The following CCNE2 variants were observed in gnomAD, a reference collection of about 807,000 sequenced individuals.
CCNE2 encodes cyclin E2, also known as G1/S-specific cyclin-E2.
CCNE2 carries 18 observed loss-of-function variants against 56.8 expected under a neutral mutation model. That is an observed-to-expected ratio of 0.32 (90% CI 0.22 to 0.47). The LOEUF (loss-of-function observed/expected upper bound fraction) is 0.47. Ranked by LOEUF, CCNE2 falls within the 20% of genes least tolerant of loss-of-function variation. The pLI is 1.00. For missense variants in CCNE2, 371 were observed against 467.1 expected, an observed-to-expected ratio of 0.79 and a Z score of 1.90; for synonymous variants, 139 against 149.2, an observed-to-expected ratio of 0.93 and a Z score of 0.50.
At chr8:94,882,677 TGCCAA>T in intron 10 of CCNE2, 99 bp downstream of exon 10, 1 of 775,186 alleles carries the variant, frequency 1.3e-6, no homozygotes, top group Non-Finnish European at 2.2e-6. Context: ...ATTTTTTTTT[TGCCAA>T]AGTTTTAAAT....
intron 4 of CCNE2, 127 bp from the exon 5 acceptor site, chr8:94,893,096 T>C: frequency 1.5e-6 from 1 of 674,872 alleles, no homozygotes. Flanking sequence ...GATGGCAATA[T>C]AGCTAATTTG....
intron 9 of CCNE2, among the ~76,000 whole-genome samples, chr8:94,883,232 C>T (rs1195799453): frequency 7.9e-5 from 12 of 151,174 alleles, no homozygotes; most frequent in East Asian, 3.9e-4. Flanking sequence ...GCAGAGATCG[C>T]GCCACTGCAC....
chr8:94,889,291 T>C (rs923289276), intron 6 of CCNE2, among the ~76,000 whole-genome samples: 16 of 152,242 alleles, frequency 1.1e-4, no homozygotes, highest in Non-Finnish European at 2.2e-4. Flanking sequence ...GACTGAAGAA[T>C]ACACTAAGAT....
At chr8:94,894,328 GGT>G (rs758610827) in intron 1 of CCNE2, 81 bp from the exon 2 acceptor site, 439 of 1,404,392 alleles carry the variant, frequency 3.1e-4, no homozygotes, top group Middle Eastern at 1.7e-3. Context: ...CTGATTCGCA[GGT>G]GAAAGCTCAG....
chr8:94,883,794 TAGC>T (rs1816924182), intron 9 of CCNE2: 2 of 403,036 alleles, frequency 5.0e-6, no homozygotes, highest in Non-Finnish European at 5.3e-6. Context: ...GCTGAACTAG[TAGC>T]AGTGGAATGG....
rs1816820967 is a variant in CCNE2, at chr8:94,881,693, A to T, written c.1154T>A (p.Val385Glu). The change falls in exon 12 of 12, where the codon GTG becomes GAG. Residue 385 changes from valine to glutamate, a missense_variant. Transcript: ENST00000308108. ...TFRKGGQLSP[V>E]CNGGIMTPPK... Reference sequence around the variant, plus strand: ...TGGTGTCATAATGCCTCCATTGCACACTGGTGACAACTGTCCCCCTTTTCT... The same window carrying T: ...TGGTGTCATAATGCCTCCATTGCACTCTGGTGACAACTGTCCCCCTTTTCT... 5.0e-6 allele frequency: 8 copies of T among 1,613,882 alleles called. No individual in the cohort carries two copies. The highest frequency in any genetic ancestry group is 6.8e-6 in the Non-Finnish European group (8 of 1,179,868).
In CCNE2 at chr8:94,890,556, GA is replaced by G; in HGVS notation, c.318-7del. On this transcript the variant is annotated splice_region_variant and splice_polypyrimidine_tract_variant and intron_variant, in intron 5 of 11. Coordinates refer to ENST00000308108, the MANE Select transcript of CCNE2 (RefSeq NM_057749.3). ...CTTCTTTTGAACATCCCCAGCTATGGAAAGAGAGGAAAAAAACCATATATAT... is the reference window on the plus strand; with the variant it reads ...CTTCTTTTGAACATCCCCAGCTATGGAAGAGAGGAAAAAAACCATATATAT... The G allele has an allele frequency of 7.1e-7, 1 of 1,403,654 alleles. No homozygotes were observed. Among genetic ancestry groups the G allele is most frequent in the Non-Finnish European group, 9.6e-7 (1 of 1,040,638 alleles). 86.9% of individuals were successfully genotyped at this position (1,403,654 alleles called of 1,614,324 possible).
chr8:94,893,435 A>C (rs1423952865), intron 4 of CCNE2: 2 of 165,432 alleles, frequency 1.2e-5, no homozygotes, highest in Non-Finnish European at 2.6e-5. Context: ...TTTTCCCAAT[A>C]ATGCTGGTTT....
chr8:94,885,122 G>A lies in CCNE2; in HGVS notation c.776C>T (p.Ala259Val), dbSNP rs546361427. Residue 259 changes from alanine (A) to valine (V), a missense_variant, in exon 9 of 12, where the codon GCT becomes GTT. Ala to Val is a moderately conservative substitution (Grantham distance 64). Transcript: ENST00000308108. ...LFLQVDALKD[A>V]PKVLLPQYSQ... Reference sequence around the variant, plus strand: ...ATACTGAGGTAGAAGAACTTTAGGAGCATCTTTAAGAGCATCAACTTGGAG... The same window carrying A: ...ATACTGAGGTAGAAGAACTTTAGGAACATCTTTAAGAGCATCAACTTGGAG... 3 of 1,612,780 alleles carry A rather than the reference G, an allele frequency of 1.9e-6. 1 individual carries two copies. The highest frequency in any genetic ancestry group is 2.2e-5 in the East Asian group (1 of 44,768).
chr8:94,890,592 T>TATATATATA (rs386413388), intron 5 of CCNE2, 42 bp from the exon 6 acceptor site: 3 of 62,600 alleles, frequency 4.8e-5, no homozygotes, highest in African/African-American at 4.7e-4. Flanking sequence ...TATATATATA[T>TATATATATA]TTTTTTTTTT....
chr8:94,881,509 G>A lies in CCNE2; in HGVS notation c.*123C>T. ...TAAGTTTTAAAATCAGAATGGCAGTGTAACTTGTGAATTGGCTAGGGCAAT... is the reference window on the plus strand; with the variant it reads ...TAAGTTTTAAAATCAGAATGGCAGTATAACTTGTGAATTGGCTAGGGCAAT... On this transcript the variant is annotated 3_prime_UTR_variant, in exon 12 of 12. Transcript: ENST00000308108. The A allele has an allele frequency of 1.2e-6, 1 of 854,562 alleles. No homozygotes were observed. The highest frequency in any genetic ancestry group is 1.9e-5 in the South Asian group (1 of 51,762). 52.9% of individuals were successfully genotyped at this position (854,562 alleles called of 1,614,324 possible). A position where few individuals can be genotyped will look rare whatever the true frequency, so the allele number is the denominator to read the frequency against.
At chr8:94,890,021 C>T (rs1025858226) in intron 6 of CCNE2, among the ~76,000 whole-genome samples, 1 of 152,182 alleles carries the variant, frequency 6.6e-6, no homozygotes, top group African/African-American at 2.4e-5. Context: ...GATTCCTCAT[C>T]ATCATGATTT....
chr8:94,893,065 A>C lies in CCNE2; in HGVS notation c.166-96T>G, dbSNP rs959530222. Reference sequence around the variant, plus strand: ...AAATGAAAGCTAATATGTCTAAAGAATCATAATTTTAGCTAACATAGATGG... The same window carrying C: ...AAATGAAAGCTAATATGTCTAAAGACTCATAATTTTAGCTAACATAGATGG... On this transcript the variant is annotated intron_variant, in intron 4 of 11. Transcript: ENST00000308108. The C allele has an allele frequency of 1.5e-4, 149 of 1,004,018 alleles. 1 individual carries two copies. Among genetic ancestry groups the C allele is most frequent in the Admixed American group, 3.4e-5 (1 of 29,552 alleles). 62.2% of individuals were successfully genotyped at this position (1,004,018 alleles called of 1,614,324 possible).
At chr8:94,895,665 G>A (rs536460234), upstream of CCNE2, 1 of 152,340 alleles carries the variant, frequency 6.6e-6, no homozygotes, top group East Asian at 1.9e-4. Flanking sequence ...AGGCCTCAGG[G>A]AACCCAGGTC....
At chr8:94,884,280 G>A (rs972738373) in intron 9 of CCNE2, among the ~76,000 whole-genome samples, 2 of 151,612 alleles carry the variant, frequency 1.3e-5, no homozygotes, top group East Asian at 1.9e-4. Flanking sequence ...TTTGTTATAT[G>A]GCAGATACAG....
At position 94,885,142 on chromosome 8, in the gene CCNE2, T is replaced by C; in HGVS notation, c.756A>G (p.Gln252=). The change falls in exon 9 of 12, where the codon CAA becomes CAG. Residue 252 remains glutamine, a synonymous_variant. Coordinates refer to ENST00000308108, the MANE Select transcript of CCNE2 (RefSeq NM_057749.3). ...TAGGAGCATCTTTAAGAGCATCAAC[T>C]TGGAGAAAGAGATTTAGCCAGGAGA... is the stretch of plus-strand genomic sequence containing the variant. ...TIISWLNLFL[Q]VDALKDAPKV... 6.2e-7 allele frequency: 1 copy of C among 1,613,506 alleles called. No individual in the cohort carries two copies. The highest frequency in any genetic ancestry group is 8.5e-7 in the Non-Finnish European group (1 of 1,179,574).
Position 94,880,333 on chromosome 8 carries a change from G to A in CCNE2, c.*1299C>T, listed in dbSNP as rs1296397269. 1 of 603,832 alleles carries A rather than the reference G, an allele frequency of 1.7e-6. No individual in the cohort carries two copies. The highest frequency in any genetic ancestry group is 2.9e-6 in the Non-Finnish European group (1 of 348,142). 37.4% of individuals were successfully genotyped at this position (603,832 alleles called of 1,614,324 possible). A position where few individuals can be genotyped will look rare whatever the true frequency, so the allele number is the denominator to read the frequency against. On this transcript the variant is annotated 3_prime_UTR_variant, in exon 12 of 12. Coordinates refer to ENST00000308108, the MANE Select transcript of CCNE2 (RefSeq NM_057749.3). ...TATAATACATATGTACACAATTAGT[G>A]GTGTTTTCTTTTCAGACAAAATACT...
intron 9 of CCNE2, among the ~76,000 whole-genome samples, chr8:94,883,513 A>C (rs530758611): frequency 6.6e-6 from 1 of 152,322 alleles, no homozygotes; most frequent in African/African-American, 2.4e-5. Context: ...AGAACTCCTA[A>C]GGTGAAAAAT....
In CCNE2 at chr8:94,880,508, AT is replaced by A. The variant is rs144325537; in HGVS notation, c.*1123del. ...TTTCTAATCTACTTTATGAGGCTGG[AT>A]TTTTTTTTTAGAAAAGCTAATTTAA... On this transcript the variant is annotated 3_prime_UTR_variant, in exon 12 of 12. Transcript: ENST00000308108. 9.4e-3 allele frequency: 2,642 copies of A among 280,536 alleles called. No individual in the cohort carries two copies. The highest frequency in any genetic ancestry group is 0.014 in the East Asian group (231 of 16,290). The allele number at this position is 280,536 out of a possible 1,614,324, so 17.4% of individuals were successfully genotyped here.
Sources: gnomAD v4.1 joint callset for allele counts (sites outside exome capture counted in the v4.1 genomes callset) on GRCh38, gnomAD v4.1.1 for gene constraint, MANE v1.5 for transcripts, NCBI Gene and HGNC (gene_info 2026-07-23, HGNC 2026-07-21) for gene names.